The following PRKDC variants were observed in gnomAD, a reference collection of about 807,000 sequenced individuals.
PRKDC encodes the protein DNA-dependent protein kinase catalytic subunit.
Under a neutral mutation model 486.9 loss-of-function variants are expected in PRKDC, and 82 were observed. The observed-to-expected ratio is 0.17, with a 90% CI of 0.14 to 0.20. The LOEUF is 0.20. PRKDC is among the 10% of genes least tolerant of loss of function. PRKDC has a pLI of 1.00. For synonymous variants in PRKDC, 1,895 were observed against 1,837.0 expected (o/e 1.03, Z -0.81); for missense variants, 4,504 against 5,038.2 (o/e 0.89, Z 3.21).
At chr8:47,887,227 G>A (rs925231379) in intron 35 of PRKDC, among the ~76,000 whole-genome samples, 1 of 152,100 alleles carries the variant, frequency 6.6e-6, no homozygotes, top group Non-Finnish European at 1.5e-5. Flanking sequence ...TCCATGTGAA[G>A]GACCACCAAG....
At chr8:47,905,659 T>C (rs753172711) in intron 25 of PRKDC, among the ~76,000 whole-genome samples, 19 of 152,030 alleles carry the variant, frequency 1.2e-4, no homozygotes, top group African/African-American at 1.9e-4. Context: ...GGGAGGAACA[T>C]AGAAAAACAG....
rs777478776 is a variant in PRKDC, at chr8:47,799,343, A to G, written c.10164T>C (p.Ala3388=). 2.5e-6 allele frequency: 4 copies of G among 1,609,314 alleles called. No individual in the cohort carries two copies. The Admixed American group carries it at 6.7e-5, about 27-fold the overall frequency. ...GGGCCTCCTCCTCAGCCGCCTGCACAGCCTCAGAGAGGTGCTGGAATGCTC... is the reference window on the plus strand; with the variant it reads ...GGGCCTCCTCCTCAGCCGCCTGCACGGCCTCAGAGAGGTGCTGGAATGCTC... The part of the protein sequence containing the change: ...YQRAFQHLSE[A]VQAAEEEAQP... The change falls in exon 72 of 86, where the codon GCT becomes GCC. Residue 3388 remains alanine, a synonymous_variant. Coordinates refer to ENST00000314191, the MANE Select transcript of PRKDC (RefSeq NM_006904.7).
chr8:47,817,389 A>C (rs574308287), intron 68 of PRKDC, 61 bp downstream of exon 68: 63 of 1,213,306 alleles, frequency 5.2e-5, no homozygotes, highest in South Asian at 3.2e-4. Context: ...GTTTGGAAGA[A>C]AAACCATTCC....
At chr8:47,777,017 CATAATGG>C (rs1293808964) in intron 84 of PRKDC, 34 bp from the exon 85 acceptor site, 1 of 1,598,976 alleles carries the variant, frequency 6.3e-7, no homozygotes, top group Non-Finnish European at 8.5e-7. Context: ...CCCGGCTGAT[CATAATGG>C]TATATACAAT....
In PRKDC at chr8:47,836,382, C is replaced by T; in HGVS notation, c.7907G>A (p.Arg2636Lys). 1 of 1,607,802 alleles carries T rather than the reference C, an allele frequency of 6.2e-7. No homozygotes were observed. The change falls in exon 58 of 86, where the codon AGG becomes AAG. Residue 2636 changes from arginine (R) to lysine (K), a missense_variant. By Grantham distance (26) the Arg-to-Lys change is conservative (BLOSUM62 2). Transcript: ENST00000314191. ...GAAGTCATGCTGCTGCTGGGTGGCC[C>T]TTATCTGCCCTGCCACTGGCCAGCG... ...SARWPVAGQI[R>K]ATQQQHDFTL...
At chr8:47,867,723 A>G (rs1220925057) in intron 40 of PRKDC, among the ~76,000 whole-genome samples, 1 of 152,234 alleles carries the variant, frequency 6.6e-6, no homozygotes, top group Non-Finnish European at 1.5e-5. Flanking sequence ...CAGAAAAAAG[A>G]ATAAGAAAAA....
chr8:47,789,826 A>G (rs2086855829), intron 74 of PRKDC, among the ~76,000 whole-genome samples: 1 of 152,236 alleles, frequency 6.6e-6, no homozygotes. Flanking sequence ...ACCACTGATC[A>G]TTTTAACGGA....
Position 47,839,219 on chromosome 8 carries a change from G to A in PRKDC, c.7482C>T (p.Asp2494=), listed in dbSNP as rs572495333. Residue 2494 remains aspartate, a synonymous_variant, in exon 56 of 86, where the codon GAC becomes GAT. Transcript: ENST00000314191. ...YRDPESETDN[D]SQEIFKLAKD... ...TTGCCAACTTAAATATTTCCTGGGA[G>A]TCATTATCTGTCTCACTTTCTGGAT... The A allele has an allele frequency of 1.2e-6, 2 of 1,613,548 alleles. No homozygotes were observed. Among genetic ancestry groups the A allele is most frequent in the African/African-American group, 1.3e-5 (1 of 75,040 alleles).
chr8:47,907,586 G>T (rs1429388667), intron 25 of PRKDC, among the ~76,000 whole-genome samples: 2 of 139,582 alleles, frequency 1.4e-5, no homozygotes, highest in African/African-American at 5.4e-5. Context: ...CCAGGCTAGA[G>T]CGCAGTGGTG....
intron 7 of PRKDC, among the ~76,000 whole-genome samples, chr8:47,949,625 A>C (rs925412326): frequency 6.6e-6 from 1 of 152,204 alleles, no homozygotes; most frequent in African/African-American, 2.4e-5. Context: ...ACAAACTTAA[A>C]ATATGACCGT....
intron 22 of PRKDC, among the ~76,000 whole-genome samples, chr8:47,918,044 C>G (rs912103467): frequency 2.8e-4 from 42 of 152,064 alleles, no homozygotes; most frequent in Non-Finnish European, 7.4e-5. Context: ...ACAGGGTCTT[C>G]CTATGTTGCC....
intron 80 of PRKDC, among the ~76,000 whole-genome samples, chr8:47,780,607 C>T (rs920796762): frequency 1.3e-5 from 2 of 152,200 alleles, no homozygotes; most frequent in African/African-American, 4.8e-5. Flanking sequence ...TCTTAAAATT[C>T]TCTCCTCCTA....
intron 40 of PRKDC, among the ~76,000 whole-genome samples, chr8:47,875,070 T>A (rs1475113227): frequency 6.6e-6 from 1 of 152,130 alleles, no homozygotes; most frequent in African/African-American, 2.4e-5. Flanking sequence ...ACAAAAAAGC[T>A]ATGTAGGTCT....
rs1359191221 is a variant in PRKDC at position 47,955,936 on chromosome 8, T to C, written c.337A>G (p.Ser113Gly). Residue 113 changes from serine to glycine, a missense_variant, in exon 4 of 86, where the codon AGT becomes GGT. This residue lies in a region of PRKDC where 12 missense variants were observed against 31.1 expected (regional missense o/e 0.39). Transcript: ENST00000314191. ...GCAGCTCTATCTTTTGTATAAACAC[T>C]GGTACAAGTGTTCTAGGTTTTAAAA... ...YSVEIKNTCT[S>G]VYTKDRAAKC... 3 of 1,600,622 alleles carry C rather than the reference T, an allele frequency of 1.9e-6. No individual in the cohort carries two copies. Among genetic ancestry groups the C allele is most frequent in the Non-Finnish European group, 2.6e-6 (3 of 1,171,558 alleles).
At position 47,789,209 on chromosome 8, in the gene PRKDC, A is replaced by T. The variant is rs547696421; in HGVS notation, c.10700T>A (p.Val3567Glu). ...RIKSKLDQGG[V>E]IQDFINALDQ... ...TAAGGCATTAATAAAATCTTGAATC[A>T]CTCCTCCTTGATCCAACTTACTTTT... Residue 3567 changes from valine to glutamate, a missense_variant, in exon 75 of 86, where the codon GTG (valine) becomes GAG (glutamate). This residue lies in a region of PRKDC where 706 missense variants were observed against 945.0 expected (regional missense o/e 0.75). Transcript: ENST00000314191. 3.1e-6 allele frequency: 5 copies of T among 1,602,772 alleles called. No homozygotes were observed. In the African/African-American group the frequency reaches 5.4e-5, roughly 17 times the overall value.
In PRKDC at chr8:47,783,768, C is replaced by T. The variant is rs747860848; in HGVS notation, c.11149G>A (p.Val3717Met). The T allele has an allele frequency of 4.4e-5, 71 of 1,613,814 alleles. No individual in the cohort carries two copies. The highest frequency in any genetic ancestry group is 5.8e-5 in the Non-Finnish European group (69 of 1,179,892). The change falls in exon 78 of 86, where the codon GTG (valine) becomes ATG (methionine). Residue 3717 changes from valine (V) to methionine (M), a missense_variant. Transcript: ENST00000314191. ...CGCTCATCAAACCCGGCGATTCGCA[C>T]GTGGTACTCTGGCAATGGCTTTCCC... ...GRGKPLPEYH[V>M]RIAGFDERVT... is the part of the protein sequence containing the mutation.
At chr8:47,785,079 A>G (rs1163690871) in intron 77 of PRKDC, 34 bp downstream of exon 77, 1 of 1,590,500 alleles carries the variant, frequency 6.3e-7, no homozygotes. Context: ...TGCTCCTGAC[A>G]GTACAGTTTT....
At chr8:47,804,632 C>T (rs544841127) in intron 69 of PRKDC, among the ~76,000 whole-genome samples, 5 of 152,218 alleles carry the variant, frequency 3.3e-5, no homozygotes, top group African/African-American at 1.2e-4. Flanking sequence ...GTTGTTTCCA[C>T]CTTTCCAGCT....
chr8:47,786,343 C>T (rs1397270806), intron 76 of PRKDC, among the ~76,000 whole-genome samples: 1 of 151,938 alleles, frequency 6.6e-6, no homozygotes, highest in Non-Finnish European at 1.5e-5. Flanking sequence ...ATCCGGGAGG[C>T]GGAGGTTGCA....
Sources: gnomAD v4.1 joint callset for allele counts (sites outside exome capture counted in the v4.1 genomes callset) on GRCh38, gnomAD v4.1.1 for gene constraint, gnomAD v4.1.1 regional missense constraint, MANE v1.5 for transcripts, NCBI Gene and HGNC (gene_info 2026-07-23, HGNC 2026-07-21) for gene names.